ARID4B: variants seen among roughly 807,000 people sequenced by gnomAD.
The protein encoded by ARID4B is AT-rich interactive domain-containing protein 4B.
A neutral mutation model predicts 147.5 loss-of-function variants in ARID4B; 26 were observed. That is an observed-to-expected ratio of 0.18 (90% CI 0.13 to 0.24). The LOEUF is 0.24. Ranked by LOEUF, ARID4B falls within the 10% of genes least tolerant of loss-of-function variation. The probability of loss-of-function intolerance (pLI) is 1.00; values close to 1 mark genes in which losing one functional copy is unlikely to be tolerated. For missense variants in ARID4B, 1,179 were observed against 1,511.5 expected (o/e 0.78, Z 3.65); for synonymous variants, 512 against 507.9 (o/e 1.01, Z -0.11).
intron 2 of ARID4B, among the ~76,000 whole-genome samples, chr1:235,323,635 T>C (rs1277171395): frequency 6.6e-6 from 1 of 151,792 alleles, no homozygotes; most frequent in East Asian, 2.0e-4. Context: ...AAGCACAAAA[T>C]TAGCCCGGCA....
At chr1:235,297,017 T>C (rs1672789025) in intron 2 of ARID4B, among the ~76,000 whole-genome samples, 1 of 152,072 alleles carries the variant, frequency 6.6e-6, no homozygotes, top group Non-Finnish European at 1.5e-5. Flanking sequence ...TTTATATATA[T>C]ATTTGATGTC....
intron 2 of ARID4B, among the ~76,000 whole-genome samples, chr1:235,317,120 A>T (rs555184104): frequency 6.7e-4 from 102 of 152,278 alleles, no homozygotes; most frequent in African/African-American, 2.0e-3. Flanking sequence ...TATAATAAAA[A>T]TTTTTTTCTG....
At chr1:235,201,877 C>A (rs1306436176) in intron 17 of ARID4B, among the ~76,000 whole-genome samples, 1 of 151,720 alleles carries the variant, frequency 6.6e-6, no homozygotes, top group African/African-American at 2.4e-5. Flanking sequence ...GAGCAAGACT[C>A]TGTCTCAAAA....
At chr1:235,300,494 C>T (rs764848255) in intron 2 of ARID4B, among the ~76,000 whole-genome samples, 3 of 151,888 alleles carry the variant, frequency 2.0e-5, no homozygotes, top group Non-Finnish European at 2.9e-5. Context: ...TTTCTCTGGT[C>T]CCCATTTTCC....
rs558643296 is a variant in ARID4B at position 235,230,350 on chromosome 1, G to C, written c.742+763C>G. On this transcript the variant is annotated intron_variant, in intron 10 of 23. Coordinates refer to ENST00000264183, the MANE Select transcript of ARID4B (RefSeq NM_016374.6). ...AATCGCTTGAACCCGGGAGGTGGAGGGTGCACCGAGATTGTACCACTGCAC... is the reference window on the plus strand; with the variant it reads ...AATCGCTTGAACCCGGGAGGTGGAGCGTGCACCGAGATTGTACCACTGCAC... Among the ~76,000 whole-genome samples, 12 of 150,940 alleles carry C rather than the reference G, an allele frequency of 8.0e-5. No individual in the cohort carries two copies. The South Asian group carries it at 2.5e-3, about 32-fold the overall frequency.
chr1:235,327,015 C>G, intron 1 of ARID4B, 47 bp from the exon 2 acceptor site: 1 of 1,328,026 alleles, frequency 7.5e-7, no homozygotes, highest in Non-Finnish European at 1.1e-6. Flanking sequence ...AGGAGCCCCT[C>G]TGCACTGGCG....
chr1:235,219,858 G>A lies in ARID4B; in HGVS notation c.1518C>T (p.Asp506=). 1 of 1,608,996 alleles carries A rather than the reference G, an allele frequency of 6.2e-7. No homozygotes were observed. Among genetic ancestry groups the A allele is most frequent in the Non-Finnish European group, 8.5e-7 (1 of 1,178,462 alleles). Residue 506 remains aspartate (D), a synonymous_variant, in exon 16 of 24, where the codon GAC becomes GAT. Coordinates refer to ENST00000264183, the MANE Select transcript of ARID4B (RefSeq NM_016374.6). Reference sequence around the variant, plus strand: ...TGAGGGATTCATCTACCCTAGTTGTGTCATCATCTTTGTCATCCAGATTTT... The same window carrying A: ...TGAGGGATTCATCTACCCTAGTTGTATCATCATCTTTGTCATCCAGATTTT... The part of the protein sequence containing the change: ...DNENLDDKDD[D]TTRVDESLNI...
chr1:235,237,509 T>A (rs886212585), intron 8 of ARID4B, among the ~76,000 whole-genome samples: 1 of 152,204 alleles, frequency 6.6e-6, no homozygotes, highest in Non-Finnish European at 1.5e-5. Context: ...ATTTACTGCA[T>A]ATTTAATTTG....
intron 2 of ARID4B, among the ~76,000 whole-genome samples, chr1:235,282,977 T>A (rs934731950): frequency 2.0e-5 from 3 of 152,084 alleles, no homozygotes; most frequent in Admixed American, 1.3e-4. Flanking sequence ...AGACGGGGTT[T>A]CACCGTGTTA....
chr1:235,216,356 CT>C lies in ARID4B; in HGVS notation c.1584-2331del, dbSNP rs546821557. Reference sequence around the variant, plus strand: ...ACATATATACGTGTATATATATATACTTTTTTTTTGAGACAGAGTCTCGCTC... The same window carrying C: ...ACATATATACGTGTATATATATATACTTTTTTTTGAGACAGAGTCTCGCTC... On this transcript the variant is annotated intron_variant, in intron 16 of 23. Coordinates refer to ENST00000264183, the MANE Select transcript of ARID4B (RefSeq NM_016374.6). 4.9e-3 allele frequency among the ~76,000 whole-genome samples: 730 copies of C among 150,504 alleles called. 4 individuals carry two copies. Among genetic ancestry groups the C allele is most frequent in the Admixed American group, 8.1e-3 (122 of 15,086 alleles).
At chr1:235,257,470 A>AT (rs759583270) in intron 3 of ARID4B, among the ~76,000 whole-genome samples, 2,529 of 144,522 alleles carry the variant, frequency 0.017, 71 homozygotes, top group African/African-American at 0.057. Flanking sequence ...TCCACATGTC[A>AT]TTTTTTTTTT....
At chr1:235,211,134 G>T (rs1211753971) in intron 17 of ARID4B, among the ~76,000 whole-genome samples, 1 of 152,154 alleles carries the variant, frequency 6.6e-6, no homozygotes, top group East Asian at 1.9e-4. Context: ...AGGAGTTTGA[G>T]ACCAGCCTAA....
chr1:235,300,797 C>A (rs1229237475), intron 2 of ARID4B, among the ~76,000 whole-genome samples: 1 of 152,226 alleles, frequency 6.6e-6, no homozygotes, highest in East Asian at 1.9e-4. Flanking sequence ...GCAACCTCCA[C>A]CTCCCAGGTT....
chr1:235,214,083 T>C (rs1403899444), intron 16 of ARID4B, 57 bp from the exon 17 acceptor site: 5 of 1,540,144 alleles, frequency 3.2e-6, no homozygotes, highest in African/African-American at 2.8e-5. Flanking sequence ...AGTTTTTCAG[T>C]TCCAAACCAC....
chr1:235,241,480 T>C (rs1429767961), intron 7 of ARID4B, among the ~76,000 whole-genome samples: 1 of 151,808 alleles, frequency 6.6e-6, no homozygotes, highest in Non-Finnish European at 1.5e-5. Context: ...GTCATGCCTT[T>C]ATATTTATAT....
Position 235,294,573 on chromosome 1 carries a change from T to C in ARID4B, c.6+32341A>G, listed in dbSNP as rs1457837108. Among the ~76,000 whole-genome samples the C allele has an allele frequency of 1.2e-3, 107 of 88,904 alleles. 8 individuals carry two copies. The highest frequency in any genetic ancestry group is 4.3e-3 in the African/African-American group (102 of 23,690). 58.3% of individuals were successfully genotyped at this position (88,904 alleles called of 152,430 possible). On this transcript the variant is annotated intron_variant, in intron 2 of 23. Coordinates refer to ENST00000264183, the MANE Select transcript of ARID4B (RefSeq NM_016374.6). ...CGCTTGAACCCAGGGGTTCAAGCAA[T>C]TCTCCCGCTTGAACCCAGGGGTTCA...
At chr1:235,308,088 T>A (rs1673706422) in intron 2 of ARID4B, among the ~76,000 whole-genome samples, 2 of 132,502 alleles carry the variant, frequency 1.5e-5, no homozygotes, top group East Asian at 4.2e-4. Flanking sequence ...TTCTAATTTT[T>A]TTTTTTTTTT....
chr1:235,256,356 A>T (rs1669992571), intron 4 of ARID4B, among the ~76,000 whole-genome samples: 1 of 152,096 alleles, frequency 6.6e-6, no homozygotes, highest in South Asian at 2.1e-4. Flanking sequence ...CGTGAGTACC[A>T]CCATCTGTGA....
Position 235,255,745 on chromosome 1 carries a change from T to G in ARID4B, c.189A>C (p.Gly63=), listed in dbSNP as rs144188456. ...DDHIKGPLKV[G]AIVEVKNLDG... is the part of the protein sequence containing the mutation. ...CAAGATTCTTCACTTCCACAATAGCTCCTACCTAAAGTATTTTTAAACATG... is the reference window on the plus strand; with the variant it reads ...CAAGATTCTTCACTTCCACAATAGCGCCTACCTAAAGTATTTTTAAACATG... The change falls in exon 5 of 24, where the codon GGA becomes GGC. Residue 63 remains glycine, a synonymous_variant. Transcript: ENST00000264183. 1.6e-5 allele frequency: 25 copies of G among 1,603,358 alleles called. No homozygotes were observed. In the African/African-American group the frequency reaches 3.4e-4, roughly 22 times the overall value.
Sources: allele counts gnomAD v4.1 joint callset (sites outside exome capture counted in the v4.1 genomes callset), GRCh38; gene constraint gnomAD v4.1.1; transcripts MANE v1.5; gene names NCBI Gene and HGNC (gene_info 2026-07-23, HGNC 2026-07-21).